Variants in SLC9A7 observed in about 807,000 individuals in gnomAD.
SLC9A7 encodes solute carrier family 9 member A7, also known as sodium/hydrogen exchanger 7.
Under a neutral mutation model 52.6 loss-of-function variants are expected in SLC9A7, and 19 were observed. The observed-to-expected ratio is 0.36, with a 90% confidence interval of 0.25 to 0.53. The LOEUF (loss-of-function observed/expected upper bound fraction) is 0.53. SLC9A7 is among the 20% of genes least tolerant of loss of function. The pLI is 0.91. For synonymous variants in SLC9A7, 226 were observed against 252.1 expected, an observed-to-expected ratio of 0.90 and a Z score of 0.98; for missense variants, 455 against 597.9, an observed-to-expected ratio of 0.76 and a Z score of 2.49.
chrX:46,623,943 T>C (rs1209806297), intron 14 of SLC9A7, among the ~76,000 whole-genome samples: 1 of 111,900 alleles, frequency 8.9e-6, no homozygotes, highest in African/African-American at 3.3e-5. Context: ...TTGGAACTTT[T>C]AGCCCCATCC....
intron 12 of SLC9A7, among the ~76,000 whole-genome samples, chrX:46,639,804 A>T (rs2146748464): frequency 9.0e-6 from 1 of 111,073 alleles, no homozygotes; most frequent in South Asian, 3.8e-4. Flanking sequence ...CCAAAAAAAA[A>T]AAAAAGGACC....
chrX:46,636,541 G>A (rs955879226), intron 12 of SLC9A7, among the ~76,000 whole-genome samples: 2 of 109,879 alleles, frequency 1.8e-5, no homozygotes, highest in Non-Finnish European at 3.8e-5. Context: ...CCCCTGGGCG[G>A]CAAAATTGCC....
chrX:46,651,781 T>C (rs1189714188), intron 8 of SLC9A7, among the ~76,000 whole-genome samples: 1 of 101,569 alleles, frequency 9.8e-6, no homozygotes, highest in African/African-American at 3.7e-5. Context: ...TGAGCCATGA[T>C]CACGCCTCTG....
At chrX:46,648,102 G>C (rs1318983537) in intron 11 of SLC9A7, among the ~76,000 whole-genome samples, 2 of 112,275 alleles carry the variant, frequency 1.8e-5, no homozygotes, top group Non-Finnish European at 3.8e-5. Flanking sequence ...GCTTTACAGG[G>C]AAAAGGGGGG....
At chrX:46,655,221 G>T (rs1943656980) in intron 7 of SLC9A7, among the ~76,000 whole-genome samples, 2 of 111,136 alleles carry the variant, frequency 1.8e-5, no homozygotes, top group African/African-American at 6.6e-5. Context: ...CTGACCTCAG[G>T]TGATCTGCCC....
chrX:46,613,493 C>T lies in SLC9A7; in HGVS notation c.1824-99G>A, dbSNP rs767208499. 4.4e-5 allele frequency: 24 copies of T among 543,133 alleles called. No individual in the cohort carries two copies. The East Asian group carries it at 6.8e-4, about 15-fold the overall frequency. 44.8% of individuals were successfully genotyped at this position (543,133 alleles called of 1,213,427 possible). ...CCGACATTCCACCCACAAAAACCTT[C>T]TTTTCCCCATTTTACTCGTACAACA... On this transcript the variant is annotated intron_variant, in intron 15 of 16. Coordinates refer to ENST00000616978, the MANE Select transcript of SLC9A7 (RefSeq NM_001257291.2).
chrX:46,632,062 T>C (rs1943231317), intron 13 of SLC9A7, among the ~76,000 whole-genome samples: 2 of 112,042 alleles, frequency 1.8e-5, no homozygotes, highest in Non-Finnish European at 3.8e-5. Flanking sequence ...TTTTCAAATA[T>C]ACAGGGAGAT....
intron 1 of SLC9A7, among the ~76,000 whole-genome samples, chrX:46,715,927 A>G (rs1944761768): frequency 8.9e-6 from 1 of 112,003 alleles, no homozygotes; most frequent in African/African-American, 3.2e-5. Flanking sequence ...TCAAATTGCA[A>G]TATTTTAAAC....
chrX:46,661,910 C>A, intron 7 of SLC9A7, 106 bp downstream of exon 7: 1 of 741,086 alleles, frequency 1.3e-6, no homozygotes, highest in Non-Finnish European at 1.9e-6. Flanking sequence ...CAGTGGAACA[C>A]TCAATGTAAA....
At chrX:46,626,645 G>T (rs1438805118) in intron 14 of SLC9A7, among the ~76,000 whole-genome samples, 1 of 112,429 alleles carries the variant, frequency 8.9e-6, no homozygotes, top group Non-Finnish European at 1.9e-5. Context: ...AAGCGTTGGA[G>T]GTGGGGCCTG....
chrX:46,632,629 C>T (rs1943240699), intron 13 of SLC9A7, among the ~76,000 whole-genome samples: 1 of 111,602 alleles, frequency 9.0e-6, no homozygotes, highest in Non-Finnish European at 1.9e-5. Flanking sequence ...CTGATATTTC[C>T]TCTCAGTACT....
intron 12 of SLC9A7, among the ~76,000 whole-genome samples, chrX:46,637,085 C>G (rs891655455): frequency 8.9e-6 from 1 of 112,064 alleles, no homozygotes; most frequent in Non-Finnish European, 1.9e-5. Flanking sequence ...AATATAACAG[C>G]TAAAATATAC....
At chrX:46,623,589 G>A (rs1049366973) in intron 14 of SLC9A7, among the ~76,000 whole-genome samples, 5 of 111,730 alleles carry the variant, frequency 4.5e-5, no homozygotes, top group South Asian at 7.6e-4. Context: ...AGACTATCTG[G>A]CTCCTGACTG....
At chrX:46,648,446 T>C (rs1473950802) in intron 11 of SLC9A7, among the ~76,000 whole-genome samples, 1 of 111,613 alleles carries the variant, frequency 9.0e-6, no homozygotes, top group African/African-American at 3.3e-5. Flanking sequence ...CGTTGAGTGG[T>C]AGTGATGAAA....
At chrX:46,675,470 G>C in intron 3 of SLC9A7, among the ~76,000 whole-genome samples, 1 of 111,742 alleles carries the variant, frequency 8.9e-6, no homozygotes, top group Admixed American at 9.5e-5. Flanking sequence ...GACTAGCTGT[G>C]ATATTATGAT....
At chrX:46,710,538 A>G (rs1281123443) in intron 1 of SLC9A7, among the ~76,000 whole-genome samples, 1 of 110,778 alleles carries the variant, frequency 9.0e-6, no homozygotes, top group African/African-American at 3.3e-5. Context: ...CTGCAATGTG[A>G]CTCACCTGGA....
rs191759230 is a variant in SLC9A7 at position 46,693,022 on chromosome X, C to T, written c.326-10487G>A. 3.4e-3 allele frequency among the ~76,000 whole-genome samples: 378 copies of T among 111,232 alleles called. 1 individual carries two copies. Among genetic ancestry groups the T allele is most frequent in the Non-Finnish European group, 5.4e-3 (287 of 53,012 alleles). ...AAAAAATCCAAATTGTACAAATACT[C>T]GTTCTGTGAAAAATGAATGACCAAA... On this transcript the variant is annotated intron_variant, in intron 1 of 16. Transcript: ENST00000616978.
intron 1 of SLC9A7, among the ~76,000 whole-genome samples, chrX:46,730,667 A>AAT (rs1398327865): frequency 6.6e-4 from 13 of 19,702 alleles, no homozygotes; most frequent in African/African-American, 1.3e-3. Flanking sequence ...CAAAAAAAAA[A>AAT]AATTATATAT....
At chrX:46,625,410 T>C (rs939390486) in intron 14 of SLC9A7, among the ~76,000 whole-genome samples, 1 of 110,469 alleles carries the variant, frequency 9.1e-6, no homozygotes, top group African/African-American at 3.3e-5. Flanking sequence ...ACGTGGGCCC[T>C]TAAAAGTGGA....
Sources: gnomAD v4.1 joint callset for allele counts (sites outside exome capture counted in the v4.1 genomes callset) on GRCh38, gnomAD v4.1.1 for gene constraint, MANE v1.5 for transcripts, NCBI Gene and HGNC (gene_info 2026-07-23, HGNC 2026-07-21) for gene names.